The following ADGRL1 variants were observed in gnomAD, a reference collection of about 807,000 sequenced individuals.
ADGRL1 encodes the protein adhesion G protein-coupled receptor L1.
Under a neutral mutation model 148.9 loss-of-function variants are expected in ADGRL1, and 31 were observed. The ratio of observed to expected loss-of-function variants is 0.21; its 90% confidence interval spans 0.16 to 0.28. ADGRL1 has a LOEUF of 0.28. ADGRL1 is among the 10% of genes least tolerant of loss of function. The pLI, the probability that ADGRL1 is intolerant of heterozygous loss-of-function variation, is 1.00. For missense variants in ADGRL1, 1,521 were observed against 2,058.8 expected (o/e 0.74, Z 5.05); for synonymous variants, 937 against 900.3 (o/e 1.04, Z -0.73).
In ADGRL1 at chr19:14,186,850, C is replaced by T. The variant is rs1266190207; in HGVS notation, c.-95-3153G>A. Among the ~76,000 whole-genome samples, 5 of 152,188 alleles carry T rather than the reference C, an allele frequency of 3.3e-5. No homozygotes were observed. In the East Asian group the frequency reaches 7.7e-4, roughly 23 times the overall value. On this transcript the variant is annotated intron_variant, in intron 1 of 22. Transcript: ENST00000361434. ...AAGCAGGATCCCTGCATGTCGGCTG[C>T]GGCTGCTCATTGTTCAGGGCTCAGC...
At chr19:14,186,805 A>G (rs952632872) in intron 1 of ADGRL1, among the ~76,000 whole-genome samples, 36 of 151,996 alleles carry the variant, frequency 2.4e-4, no homozygotes, top group African/African-American at 8.2e-4. Context: ...GAAACATTCA[A>G]CATTCCAGTT....
intron 1 of ADGRL1, among the ~76,000 whole-genome samples, chr19:14,202,258 T>G (rs554044243): frequency 6.6e-6 from 1 of 151,832 alleles, no homozygotes; most frequent in Non-Finnish European, 1.5e-5. Flanking sequence ...GTTTTGGGTT[T>G]TTTTTTTTTA....
chr19:14,152,450 TCA>T lies in ADGRL1; in HGVS notation c.3521-15_3521-14del, dbSNP rs761630443. The T allele has an allele frequency of 6.2e-7, 1 of 1,606,390 alleles. No homozygotes were observed. The highest frequency in any genetic ancestry group is 1.1e-5 in the South Asian group (1 of 90,538). On this transcript the variant is annotated splice_polypyrimidine_tract_variant and intron_variant, in intron 20 of 22. Transcript: ENST00000361434. This position sits in a 1 kb window ranked among gnomAD's most constrained non-coding sequence, Gnocchi z 6.1. ...TTCCCCATGGTACCTGGCCAAAGGA[TCA>T]GAGGTCACAAGGCAGCCGGGAGCCT...
rs1400608127 is a variant in ADGRL1 at position 14,161,160 on chromosome 19, G to A, written c.1510+152C>T. 1.3e-6 allele frequency: 1 copy of A among 788,082 alleles called. No homozygotes were observed. The highest frequency in any genetic ancestry group is 1.9e-6 in the Non-Finnish European group (1 of 525,728). The allele number at this position is 788,082 out of a possible 1,614,324, so 48.8% of individuals were successfully genotyped here. ...GGGCCAGGGGCACTGAGTGGCTCCTGTGCCCTGAGAGCTCTGCTGGTCACT... is the reference window on the plus strand; with the variant it reads ...GGGCCAGGGGCACTGAGTGGCTCCTATGCCCTGAGAGCTCTGCTGGTCACT... On this transcript the variant is annotated intron_variant, in intron 6 of 22. Transcript: ENST00000361434. This position sits in a 1 kb window ranked among gnomAD's most constrained non-coding sequence, Gnocchi z 4.4.
In ADGRL1 at chr19:14,150,105, A is replaced by T. The variant is rs1968021536; in HGVS notation, c.*768T>A. 1 of 152,310 alleles carries T rather than the reference A, an allele frequency of 6.6e-6. No individual in the cohort carries two copies. Among genetic ancestry groups the T allele is most frequent in the Non-Finnish European group, 1.5e-5 (1 of 67,982 alleles). The allele number at this position is 152,310 out of a possible 1,614,324, so 9.4% of individuals were successfully genotyped here. On this transcript the variant is annotated 3_prime_UTR_variant, in exon 23 of 23. Coordinates refer to ENST00000361434, the MANE Select transcript of ADGRL1 (RefSeq NM_014921.5). ...CTCCCCAGATAGCCGAGCCCACAGG[A>T]CTGGGAACTGCCCAAATATGGCCAC...
chr19:14,152,931 T>C lies in ADGRL1; in HGVS notation c.3295-19A>G. On this transcript the variant is annotated intron_variant, in intron 18 of 22. Coordinates refer to ENST00000361434, the MANE Select transcript of ADGRL1 (RefSeq NM_014921.5). This position sits in a 1 kb window ranked among gnomAD's most constrained non-coding sequence, Gnocchi z 6.1. ...TGTGCACCTGGGAGGTGGAGGACAG[T>C]CAGCTGGCTGGGACACTGGCCTCCT... 1 of 1,612,474 alleles carries C rather than the reference T, an allele frequency of 6.2e-7. No homozygotes were observed. Among genetic ancestry groups the C allele is most frequent in the South Asian group, 1.1e-5 (1 of 90,930 alleles).
chr19:14,159,607 G>C lies in ADGRL1; in HGVS notation c.1840-23C>G, dbSNP rs1349109058. The C allele has an allele frequency of 6.3e-7, 1 of 1,593,094 alleles. No individual in the cohort carries two copies. The highest frequency in any genetic ancestry group is 1.7e-5 in the Admixed American group (1 of 59,368). On this transcript the variant is annotated intron_variant, in intron 9 of 22. Coordinates refer to ENST00000361434, the MANE Select transcript of ADGRL1 (RefSeq NM_014921.5). This position sits in a 1 kb window ranked among gnomAD's most constrained non-coding sequence, Gnocchi z 6.0. ...GGCCTGCACAGGCAGAGGGCATGGTGCTGTGAGCCCCCCAACACCCTCTAA... is the reference window on the plus strand; with the variant it reads ...GGCCTGCACAGGCAGAGGGCATGGTCCTGTGAGCCCCCCAACACCCTCTAA...
chr19:14,150,777 C>T lies in ADGRL1; in HGVS notation c.*96G>A. ...GGGGCACCTGGAGAGAGTGGCCCAC[C>T]AGCCACTGCCTCCATCTGTCTCCCT... On this transcript the variant is annotated 3_prime_UTR_variant, in exon 23 of 23. Transcript: ENST00000361434. 7.0e-7 allele frequency: 1 copy of T among 1,433,236 alleles called. No individual in the cohort carries two copies. The highest frequency in any genetic ancestry group is 9.4e-7 in the Non-Finnish European group (1 of 1,058,590). The allele number at this position is 1,433,236 out of a possible 1,614,324, so 88.8% of individuals were successfully genotyped here. A position where few individuals can be genotyped will look rare whatever the true frequency, so the allele number is the denominator to read the frequency against.
chr19:14,182,650 G>A (rs1482158365), intron 2 of ADGRL1, among the ~76,000 whole-genome samples: 1 of 152,220 alleles, frequency 6.6e-6, no homozygotes, highest in East Asian at 1.9e-4. Context: ...CCGGGCTTGG[G>A]AGGGAGGGCC....
intron 2 of ADGRL1, 43 bp from the exon 3 acceptor site, chr19:14,177,787 C>T: frequency 6.4e-7 from 1 of 1,567,216 alleles, no homozygotes; most frequent in Non-Finnish European, 8.7e-7. Flanking sequence ...GGGCCTGGGC[C>T]AGGAAGGGAA....
chr19:14,204,083 C>T (rs1437837829), intron 1 of ADGRL1, among the ~76,000 whole-genome samples: 1 of 152,138 alleles, frequency 6.6e-6, no homozygotes, highest in East Asian at 1.9e-4. Context: ...TTCCCTTTTC[C>T]GAATTCCAGA....
chr19:14,176,033 G>A (rs1309157412), intron 3 of ADGRL1, among the ~76,000 whole-genome samples: 5 of 150,096 alleles, frequency 3.3e-5, no homozygotes, highest in East Asian at 3.9e-4. Context: ...CAGCCTGGGC[G>A]ACAGAGCAAG....
Position 14,151,584 on chromosome 19 carries a change from G to A in ADGRL1, c.3699C>T (p.Gly1233=). ...TGCCGTTCAGGGGCAGGGTGTCCAT[G>A]CCACAGGCTTCCCGGCCTCCCAAGG... ...KHPLGGREAC[G]MDTLPLNGNF... The change falls in exon 23 of 23, where the codon GGC becomes GGT. Residue 1233 remains glycine, a synonymous_variant. Coordinates refer to ENST00000361434, the MANE Select transcript of ADGRL1 (RefSeq NM_014921.5). 6.2e-7 allele frequency: 1 copy of A among 1,607,040 alleles called. No individual in the cohort carries two copies. Among genetic ancestry groups the A allele is most frequent in the Non-Finnish European group, 8.5e-7 (1 of 1,178,990 alleles).
chr19:14,180,439 A>C (rs2144991844), intron 2 of ADGRL1, among the ~76,000 whole-genome samples: 1 of 151,900 alleles, frequency 6.6e-6, no homozygotes, highest in Non-Finnish European at 1.5e-5. Flanking sequence ...TATTTTTAGT[A>C]GAGACGGGGT....
chr19:14,165,323 C>T (rs1274754457), intron 4 of ADGRL1, among the ~76,000 whole-genome samples: 1 of 152,226 alleles, frequency 6.6e-6, no homozygotes, highest in Non-Finnish European at 1.5e-5. Flanking sequence ...CTCTGTCCAG[C>T]ACACTGGCCT....
rs912288967 is a variant in ADGRL1, at chr19:14,160,050, T to C, written c.1800+62A>G. The C allele has an allele frequency of 2.0e-6, 3 of 1,506,370 alleles. No homozygotes were observed. The highest frequency in any genetic ancestry group is 3.9e-5 in the Admixed American group (2 of 51,182). 93.3% of individuals were successfully genotyped at this position (1,506,370 alleles called of 1,614,324 possible). On this transcript the variant is annotated intron_variant, in intron 8 of 22. Coordinates refer to ENST00000361434, the MANE Select transcript of ADGRL1 (RefSeq NM_014921.5). The surrounding 1 kb of genome is among the most constrained non-coding windows in gnomAD (Gnocchi z 5.9). Reference sequence around the variant, plus strand: ...GCTGGGAGGTACCAGGTCAGGTACTTCCCAAGCCCCTGGGGGCAGGCGCCC... The same window carrying C: ...GCTGGGAGGTACCAGGTCAGGTACTCCCCAAGCCCCTGGGGGCAGGCGCCC...
intron 3 of ADGRL1, among the ~76,000 whole-genome samples, chr19:14,172,560 TA>T (rs1205993567): frequency 6.6e-6 from 1 of 151,668 alleles, no homozygotes; most frequent in African/African-American, 2.4e-5. Flanking sequence ...GCCAACATGG[TA>T]AAACCCCATC....
At chr19:14,172,359 T>C (rs796745297) in intron 3 of ADGRL1, among the ~76,000 whole-genome samples, 23 of 151,232 alleles carry the variant, frequency 1.5e-4, no homozygotes, top group African/African-American at 5.1e-4. Flanking sequence ...GAGGCGGAGG[T>C]TGCAGTGAGC....
At chr19:14,187,646 G>A (rs184828923) in intron 1 of ADGRL1, among the ~76,000 whole-genome samples, 1 of 145,684 alleles carries the variant, frequency 6.9e-6, no homozygotes, top group Non-Finnish European at 1.5e-5. Flanking sequence ...ACTTTCAGAT[G>A]ATTTTACAGC....
Sources: allele counts gnomAD v4.1 joint callset (sites outside exome capture counted in the v4.1 genomes callset), GRCh38; gene constraint gnomAD v4.1.1; non-coding constraint Gnocchi (gnomAD v3.1); transcripts MANE v1.5; gene names NCBI Gene and HGNC (gene_info 2026-07-23, HGNC 2026-07-21).